The following PEX1 variants were observed in gnomAD, a reference collection of about 807,000 sequenced individuals.
PEX1 encodes the protein peroxisomal ATPase PEX1.
PEX1 carries 97 observed loss-of-function variants against 152.5 expected under a neutral mutation model. The ratio of observed to expected loss-of-function variants is 0.64; its 90% CI spans 0.54 to 0.75. PEX1 has a LOEUF of 0.75. PEX1 is among the 30% of genes least tolerant of loss of function. The pLI, the probability that PEX1 is intolerant of heterozygous loss-of-function variation, is 0.00. For synonymous variants in PEX1, 485 were observed against 531.6 expected (o/e 0.91, Z 1.21); for missense variants, 1,357 against 1,516.3 (o/e 0.89, Z 1.74).
chr7:92,504,462 A>C (rs573479652), intron 12 of PEX1, among the ~76,000 whole-genome samples: 2 of 152,282 alleles, frequency 1.3e-5, no homozygotes, highest in East Asian at 3.9e-4. Context: ...AATGAACAAA[A>C]GAGTAAATCT....
rs760104749 is a variant in PEX1, at chr7:92,503,028, A to G, written c.2226+13T>C. The G allele has an allele frequency of 6.2e-7, 1 of 1,605,508 alleles. No individual in the cohort carries two copies. The highest frequency in any genetic ancestry group is 8.5e-7 in the Non-Finnish European group (1 of 1,172,242). On this transcript the variant is annotated intron_variant, in intron 13 of 23. Transcript: ENST00000248633. ...GGGACATAATTCAATAATCCTTACA[A>G]GTAGTGTATTACCTGATTAGGAGGC... is the stretch of plus-strand genomic sequence containing the variant.
intron 2 of PEX1, among the ~76,000 whole-genome samples, chr7:92,520,395 T>C (rs1213261242): frequency 1.3e-5 from 2 of 152,146 alleles, no homozygotes; most frequent in African/African-American, 4.8e-5. Context: ...TTTACAGATT[T>C]CTCATGAGTA....
intron 2 of PEX1, among the ~76,000 whole-genome samples, chr7:92,521,649 C>T (rs569115953): frequency 6.6e-6 from 1 of 152,194 alleles, no homozygotes; most frequent in Non-Finnish European, 1.5e-5. Flanking sequence ...GTTGGGCAGG[C>T]TGGTCTCCAA....
At chr7:92,492,862 T>TA (rs1175392570) in intron 20 of PEX1, 91 bp downstream of exon 20, 2 of 1,012,818 alleles carry the variant, frequency 2.0e-6, no homozygotes, top group African/African-American at 1.6e-5. Context: ...CAAAGTTGTT[T>TA]AAAAAATAGC....
intron 6 of PEX1, among the ~76,000 whole-genome samples, chr7:92,513,275 T>G (rs1792565652): frequency 6.6e-6 from 1 of 152,184 alleles, no homozygotes. Context: ...TGTAGCATTA[T>G]TCACAGCAGC....
At position 92,517,327 on chromosome 7, in the gene PEX1, A is replaced by G. The variant is rs747010300; in HGVS notation, c.1188T>C (p.Asn396=). The change falls in exon 5 of 24, where the codon AAT becomes AAC. Residue 396 remains asparagine (N), a synonymous_variant. Coordinates refer to ENST00000248633, the MANE Select transcript of PEX1 (RefSeq NM_000466.3). ...CTACATTTTTGGTATATTTGATGGCATTGTTCAATTCTTCAAGTCCATTCC... is the reference window on the plus strand; with the variant it reads ...CTACATTTTTGGTATATTTGATGGCGTTGTTCAATTCTTCAAGTCCATTCC... The part of the protein sequence containing the change: ...VVWNGLEELN[N]AIKYTKNVEV... The G allele has an allele frequency of 3.7e-6, 6 of 1,613,764 alleles. No homozygotes were observed. In the Admixed American group the frequency reaches 8.3e-5, roughly 22 times the overall value.
intron 6 of PEX1, among the ~76,000 whole-genome samples, chr7:92,512,972 C>T (rs1379334326): frequency 6.6e-6 from 1 of 152,060 alleles, no homozygotes; most frequent in African/African-American, 2.4e-5. Context: ...CCTGACTCTA[C>T]CAGTATCCAA....
At chr7:92,495,823 CAT>C (rs1791628603) in intron 17 of PEX1, among the ~76,000 whole-genome samples, 2 of 151,950 alleles carry the variant, frequency 1.3e-5, no homozygotes, top group South Asian at 4.1e-4. Flanking sequence ...TCCCTTTTAA[CAT>C]ATTTTTTAGT....
rs1792106175 is a variant in PEX1, at chr7:92,504,847, C to T, written c.1956G>A (p.Val652=). The part of the protein sequence containing the change: ...KTLEVAFSEA[V]WMQPSVVLLD... ...GCAGGACAACAGATGGCTGCATCCA[C>T]ACTGCCTCTGAGAAAGCCACCTCTA... The change falls in exon 12 of 24, where the codon GTG becomes GTA. Residue 652 remains valine (V), a synonymous_variant. Coordinates refer to ENST00000248633, the MANE Select transcript of PEX1 (RefSeq NM_000466.3). 1.2e-6 allele frequency: 2 copies of T among 1,613,914 alleles called. No homozygotes were observed. The highest frequency in any genetic ancestry group is 1.3e-5 in the African/African-American group (1 of 74,928).
intron 1 of PEX1, among the ~76,000 whole-genome samples, chr7:92,526,222 C>T (rs1793264155): frequency 6.6e-6 from 1 of 152,132 alleles, no homozygotes; most frequent in African/African-American, 2.4e-5. Flanking sequence ...TCCAAGTAGC[C>T]TGAATAAATT....
At chr7:92,497,168 T>C (rs564982453) in intron 16 of PEX1, among the ~76,000 whole-genome samples, 68 of 152,312 alleles carry the variant, frequency 4.5e-4, no homozygotes, top group Non-Finnish European at 8.5e-4. Context: ...TGAATGTGTC[T>C]ATCTGCTTGT....
chr7:92,517,604 G>T lies in PEX1; in HGVS notation c.911C>A (p.Ser304Tyr). 3 of 1,614,102 alleles carry T rather than the reference G, an allele frequency of 1.9e-6. No individual in the cohort carries two copies. The highest frequency in any genetic ancestry group is 2.5e-6 in the Non-Finnish European group (3 of 1,180,000). ...AATGGCACAGTGTTTATGAAAAACA[G>T]AGGTTGCTGACGCGTTATATATACT... ...PPSIYNASAT[S>Y]VFHKHCAIHV... Residue 304 changes from serine to tyrosine, a missense_variant, in exon 5 of 24, where the codon TCT (serine) becomes TAT (tyrosine). Coordinates refer to ENST00000248633, the MANE Select transcript of PEX1 (RefSeq NM_000466.3).
intron 17 of PEX1, among the ~76,000 whole-genome samples, chr7:92,494,842 A>G (rs919051622): frequency 1.3e-5 from 2 of 151,438 alleles, no homozygotes; most frequent in African/African-American, 4.8e-5. Flanking sequence ...TATTTATTTT[A>G]ATCTTTACAA....
At chr7:92,509,307 T>C in intron 9 of PEX1, 22 bp downstream of exon 9, 2 of 1,503,938 alleles carry the variant, frequency 1.3e-6, no homozygotes, top group Admixed American at 1.7e-5. Flanking sequence ...TCTAACATGC[T>C]AGTTTGGCCA....
At chr7:92,511,752 C>T in intron 6 of PEX1, 49 bp from the exon 7 acceptor site, 1 of 1,526,208 alleles carries the variant, frequency 6.6e-7, no homozygotes, top group Non-Finnish European at 9.0e-7. Flanking sequence ...CTGAACTTAA[C>T]TTTAACACCC....
rs571770809 is a variant in PEX1, at chr7:92,518,762, G to C, written c.357+233C>G. ...TTTTTGTATTTTTAGTAGATACGGG[G>C]TTTCACCATGTTGCCCAGCCTGGTC... On this transcript the variant is annotated intron_variant, in intron 3 of 23. Transcript: ENST00000248633. Among the ~76,000 whole-genome samples the C allele has an allele frequency of 2.0e-5, 3 of 152,196 alleles. No homozygotes were observed. The East Asian group carries it at 5.8e-4, about 29-fold the overall frequency.
chr7:92,506,236 C>A lies in PEX1; in HGVS notation c.1900+12G>T. On this transcript the variant is annotated intron_variant, in intron 11 of 23. Transcript: ENST00000248633. ...AAAAAGGGATTTATATAGAGTGTTA[C>A]CATACTCATACCTCGTAAAGCTTTA... 2 of 1,414,962 alleles carry A rather than the reference C, an allele frequency of 1.4e-6. No individual in the cohort carries two copies. Among genetic ancestry groups the A allele is most frequent in the Non-Finnish European group, 2.0e-6 (2 of 998,632 alleles). The allele number at this position is 1,414,962 out of a possible 1,614,324, so 87.7% of individuals were successfully genotyped here.
Position 92,517,722 on chromosome 7 carries a change from AAG to A in PEX1, c.791_792del (p.Ser264LeufsTer5). 1 of 1,611,764 alleles carries A rather than the reference AAG, an allele frequency of 6.2e-7. No individual in the cohort carries two copies. The highest frequency in any genetic ancestry group is 8.5e-7 in the Non-Finnish European group (1 of 1,178,478). On this transcript the variant is annotated frameshift_variant, in exon 5 of 24. Transcript: ENST00000248633. LOFTEE classifies it high-confidence loss of function. ...AATGCATTGATTTCAGTTAAACCCC[AAG>A]ATGTCTCTTGTTTCTTCTCAGATTG... is the stretch of plus-strand genomic sequence containing the variant. ...SFQSEKKQETSWGLTEINAFK... is the reference protein window; with the variant it reads ...SFQSEKKQETXWGLTEINAFK...
chr7:92,517,867 CTTGGT>C lies in PEX1; in HGVS notation c.643_647del (p.Thr215AlafsTer11), dbSNP rs786204544. ...TTCCCACAGTATTTGACTGAAGTTG[CTTGGT>C]TTGAAGTTCTTTCATCATTCCTTTC... On this transcript the variant is annotated frameshift_variant, in exon 5 of 24. Transcript: ENST00000248633. LOFTEE classifies it high-confidence loss of function. The C allele has an allele frequency of 7.8e-6, 12 of 1,542,060 alleles. No individual in the cohort carries two copies. Among genetic ancestry groups the C allele is most frequent in the East Asian group, 2.2e-5 (1 of 44,448 alleles).
Sources: allele counts gnomAD v4.1 joint callset (sites outside exome capture counted in the v4.1 genomes callset), GRCh38; gene constraint gnomAD v4.1.1; transcripts MANE v1.5; gene names NCBI Gene and HGNC (gene_info 2026-07-23, HGNC 2026-07-21).